The following PSG8 variants were observed in gnomAD, a reference collection of about 807,000 sequenced individuals.
The protein encoded by PSG8 is pregnancy specific beta-1-glycoprotein 8, also known as pregnancy-specific beta-1-glycoprotein 8.
PSG8 carries 57 observed loss-of-function variants against 42.5 expected under a neutral mutation model. That is an observed-to-expected ratio of 1.34 (90% CI 1.08 to 1.67). The LOEUF is 1.67. PSG8 is among the 40% of genes most tolerant of loss of function. The pLI, the probability that PSG8 is intolerant of heterozygous loss-of-function variation, is 0.00. For synonymous variants in PSG8, 280 were observed against 196.8 expected, an observed-to-expected ratio of 1.42 and a Z score of -3.54; for missense variants, 783 against 518.6, an observed-to-expected ratio of 1.51 and a Z score of -4.95.
intron 1 of PSG8, among the ~76,000 whole-genome samples, chr19:42,764,867 A>C (rs1970176043): frequency 6.6e-6 from 1 of 151,462 alleles, no homozygotes; most frequent in Non-Finnish European, 1.5e-5. Flanking sequence ...AGGGCCCTCC[A>C]CGCCCTTGGT....
At chr19:42,757,964 A>T in intron 3 of PSG8, 38 bp downstream of exon 3, 3 of 1,613,992 alleles carry the variant, frequency 1.9e-6, no homozygotes, top group Non-Finnish European at 2.5e-6. Context: ...TGTATTTGGG[A>T]TGGCAGCCTG....
chr19:42,764,187 TAGA>T lies in PSG8; in HGVS notation c.156_158del (p.Leu54del), dbSNP rs1414897001. On this transcript the variant is annotated inframe_deletion, in exon 2 of 5. Coordinates refer to ENST00000306511, the MANE Select transcript of PSG8 (RefSeq NM_182707.3). ...GATTCTGGGGCAAATTGTGGACAAGTAGAAGAACATCCTTCCCCTCAGAAACTT... is the reference window on the plus strand; with the variant it reads ...GATTCTGGGGCAAATTGTGGACAAGTAGAACATCCTTCCCCTCAGAAACTT... The T allele has an allele frequency of 3.1e-6, 5 of 1,613,752 alleles. No homozygotes were observed. Among genetic ancestry groups the T allele is most frequent in the Non-Finnish European group, 4.2e-6 (5 of 1,179,888 alleles).
At chr19:42,752,963 G>T (rs1969819064), downstream of PSG8, 1 of 383,742 alleles carries the variant, frequency 2.6e-6, no homozygotes, top group South Asian at 4.3e-5. Flanking sequence ...GGGTTGAGAT[G>T]ACATATCTGA....
At chr19:42,755,664 T>TG in intron 3 of PSG8, 1 of 269,310 alleles carries the variant, frequency 3.7e-6, no homozygotes, top group Non-Finnish European at 7.0e-6. Flanking sequence ...CCCCTAGATG[T>TG]GATTTCTCTG....
intron 3 of PSG8, among the ~76,000 whole-genome samples, chr19:42,756,324 A>C (rs891228123): frequency 2.6e-5 from 4 of 152,192 alleles, no homozygotes; most frequent in Non-Finnish European, 1.5e-5. Flanking sequence ...GGGGAGAATC[A>C]GAAGTTGTTC....
intron 2 of PSG8, chr19:42,758,918 A>G (rs1970003617): frequency 6.3e-6 from 1 of 158,162 alleles, no homozygotes; most frequent in East Asian, 1.9e-4. Context: ...ACCTCTAAAG[A>G]TAGAGCAGAG....
At chr19:42,753,875 C>T (rs1267139969), downstream of PSG8, 115 of 481,782 alleles carry the variant, frequency 2.4e-4, 1 homozygote, top group South Asian at 1.6e-3. Context: ...TATCAATTCT[C>T]ATGAATAGTT....
chr19:42,760,659 T>C (rs1170505014), intron 2 of PSG8, among the ~76,000 whole-genome samples: 3 of 152,126 alleles, frequency 2.0e-5, no homozygotes. Context: ...CTCATCTCAC[T>C]GCAAGCTCTG....
At chr19:42,765,395 A>G in intron 1 of PSG8, 123 bp downstream of exon 1, 2 of 1,459,128 alleles carry the variant, frequency 1.4e-6, no homozygotes, top group Non-Finnish European at 1.9e-6. Flanking sequence ...CTCATGATCC[A>G]CCTGCCTCAG....
rs753766127 is a variant in PSG8 at position 42,764,091 on chromosome 19, G to A, written c.255C>T (p.Asp85=). The part of the protein sequence containing the change: ...LYHYITSYVV[D]GQIIIYGPAY... ...CAGGCCCATATATAATTATTTGACC[G>A]TCTACTACATATGATGTAATGTAAT... is the stretch of plus-strand genomic sequence containing the variant. Residue 85 remains aspartate, a synonymous_variant, in exon 2 of 5, where the codon GAC becomes GAT. Transcript: ENST00000306511. The A allele has an allele frequency of 5.4e-5, 87 of 1,613,646 alleles. No individual in the cohort carries two copies. The highest frequency in any genetic ancestry group is 2.2e-4 in the South Asian group (20 of 91,060).
rs146653609 is a variant in PSG8 at position 42,755,162 on chromosome 19, T to C, written c.814A>G (p.Ile272Val). ...AGGCTCTGACCATTTAGCCACCAAA[T>C]GTAGGTGTAGTTCTCACTCTTAGGT... is the stretch of plus-strand genomic sequence containing the variant. ...CEPKSENYTYIWWLNGQSLPV... is the reference protein window; with the variant it reads ...CEPKSENYTYVWWLNGQSLPV... The change falls in exon 4 of 5, where the codon ATT becomes GTT. Residue 272 changes from isoleucine (I) to valine (V), a missense_variant. By Grantham distance (29) the Ile-to-Val change is conservative (BLOSUM62 3). Coordinates refer to ENST00000306511, the MANE Select transcript of PSG8 (RefSeq NM_182707.3). 6.2e-7 allele frequency: 1 copy of C among 1,611,774 alleles called. No homozygotes were observed. Among genetic ancestry groups the C allele is most frequent in the Admixed American group, 1.7e-5 (1 of 59,990 alleles).
intron 2 of PSG8, 125 bp downstream of exon 2, chr19:42,763,791 A>C: frequency 6.4e-7 from 1 of 1,558,056 alleles, no homozygotes; most frequent in African/African-American, 1.4e-5. Context: ...CTAAATGCCC[A>C]AACCCCAGCA....
At chr19:42,764,603 C>T (rs1169335074) in intron 1 of PSG8, among the ~76,000 whole-genome samples, 1 of 152,056 alleles carries the variant, frequency 6.6e-6, no homozygotes, top group Non-Finnish European at 1.5e-5. Flanking sequence ...TCAGGTCCTG[C>T]TCACATCAGG....
rs1970139960 is a variant in PSG8 at position 42,763,898 on chromosome 19, T to C, written c.430+18A>G. 1 of 1,613,534 alleles carries C rather than the reference T, an allele frequency of 6.2e-7. No individual in the cohort carries two copies. Among genetic ancestry groups the C allele is most frequent in the South Asian group, 1.1e-5 (1 of 91,044 alleles). Reference sequence around the variant, plus strand: ...ACCCCTGTCCCCCAACACCCAGGGATCATGTGGAATCACTCACGATATAAG... The same window carrying C: ...ACCCCTGTCCCCCAACACCCAGGGACCATGTGGAATCACTCACGATATAAG... On this transcript the variant is annotated intron_variant, in intron 2 of 4. Transcript: ENST00000306511.
rs113438018 is a variant in PSG8, at chr19:42,754,728, G to A, written c.989-141C>T. On this transcript the variant is annotated intron_variant, in intron 4 of 4. Coordinates refer to ENST00000306511, the MANE Select transcript of PSG8 (RefSeq NM_182707.3). ...CAACCCCCTCTATGTTCACTGAGCC[G>A]AATCCTCAGGTATTCACCTGTTTCT... 189 of 1,305,118 alleles carry A rather than the reference G, an allele frequency of 1.4e-4. 1 individual carries two copies. The highest frequency in any genetic ancestry group is 1.8e-4 in the Non-Finnish European group (175 of 969,014). The allele number at this position is 1,305,118 out of a possible 1,614,324, so 80.8% of individuals were successfully genotyped here. A position where few individuals can be genotyped will look rare whatever the true frequency, so the allele number is the denominator to read the frequency against.
rs1464777605 is a variant in PSG8, at chr19:42,763,945, A to G, written c.401T>C (p.Val134Ala). ...TAAGGTGAAGGTGAAATGTCCAGTT[A>G]CTCCTCTATTCTCATCACCTCCCAT... is the stretch of plus-strand genomic sequence containing the variant. ...IIMGGDENRG[V>A]TGHFTFTLYL... is the part of the protein sequence containing the mutation. Residue 134 changes from valine (V) to alanine (A), a missense_variant, in exon 2 of 5, where the codon GTA becomes GCA. By Grantham distance (64) the Val-to-Ala change is moderately conservative. Coordinates refer to ENST00000306511, the MANE Select transcript of PSG8 (RefSeq NM_182707.3). 6.2e-7 allele frequency: 1 copy of G among 1,613,294 alleles called. No homozygotes were observed. Among genetic ancestry groups the G allele is most frequent in the East Asian group, 2.2e-5 (1 of 44,858 alleles).
At chr19:42,763,414 T>A (rs1008494554) in intron 2 of PSG8, among the ~76,000 whole-genome samples, 10 of 152,170 alleles carry the variant, frequency 6.6e-5, no homozygotes, top group African/African-American at 2.4e-4. Flanking sequence ...CACAGTCCTC[T>A]GACAGCTGGT....
At chr19:42,764,365 C>T in intron 1 of PSG8, 84 bp from the exon 2 acceptor site, 1 of 1,534,024 alleles carries the variant, frequency 6.5e-7, no homozygotes, top group Non-Finnish European at 8.8e-7. Context: ...GAGAAGTTCT[C>T]TTCAGTCCTC....
chr19:42,758,013 A>C lies in PSG8; in HGVS notation c.698T>G (p.Leu233Arg), dbSNP rs1302014848. Residue 233 changes from leucine to arginine, a missense_variant, in exon 3 of 5, where the codon CTG becomes CGG. Physicochemically the swap from Leu to Arg is moderately radical, Grantham distance 102. Coordinates refer to ENST00000306511, the MANE Select transcript of PSG8 (RefSeq NM_182707.3). The part of the protein sequence containing the change: ...VSASRSDPFT[L>R]NLLPKLPKPY... ...CAGAAAATACTCACGGAGGAGATTC[A>C]GGGTGAATGGGTCACTGCGGCTGGC... is the stretch of plus-strand genomic sequence containing the variant. The C allele has an allele frequency of 6.2e-7, 1 of 1,614,072 alleles. No homozygotes were observed. Among genetic ancestry groups the C allele is most frequent in the South Asian group, 1.1e-5 (1 of 91,078 alleles).
Sources: allele counts gnomAD v4.1 joint callset (sites outside exome capture counted in the v4.1 genomes callset), GRCh38; gene constraint gnomAD v4.1.1; transcripts MANE v1.5; gene names NCBI Gene and HGNC (gene_info 2026-07-23, HGNC 2026-07-21).